The following CDH9 variants were observed in gnomAD, a reference collection of about 807,000 sequenced individuals.
CDH9 encodes cadherin-9.
A neutral mutation model predicts 70.9 loss-of-function variants in CDH9; 28 were observed. The observed-to-expected ratio is 0.40, with a 90% CI of 0.29 to 0.54. The LOEUF (loss-of-function observed/expected upper bound fraction) is 0.54, where lower values mean the gene tolerates loss of function less well. CDH9 is among the 20% of genes least tolerant of loss of function. CDH9 has a pLI of 0.59. For missense variants in CDH9, 874 were observed against 984.4 expected, an observed-to-expected ratio of 0.89 and a Z score of 1.50; for synonymous variants, 409 against 343.1, an observed-to-expected ratio of 1.19 and a Z score of -2.12.
intron 2 of CDH9, among the ~76,000 whole-genome samples, chr5:26,960,027 C>A (rs1742008298): frequency 6.6e-6 from 1 of 151,810 alleles, no homozygotes; most frequent in African/African-American, 2.4e-5. Flanking sequence ...TTAATAACAC[C>A]TCAAAAAGTA....
intron 2 of CDH9, among the ~76,000 whole-genome samples, chr5:26,953,090 T>C (rs999190097): frequency 6.6e-6 from 1 of 152,138 alleles, no homozygotes; most frequent in Non-Finnish European, 1.5e-5. Context: ...CAGCGTATCC[T>C]ACTGAAGGTT....
intron 1 of CDH9, among the ~76,000 whole-genome samples, chr5:27,037,142 C>T (rs980022678): frequency 6.6e-6 from 1 of 151,932 alleles, no homozygotes; most frequent in African/African-American, 2.4e-5. Context: ...TCATTCTTAA[C>T]GGCTGTGCCT....
intron 2 of CDH9, among the ~76,000 whole-genome samples, chr5:26,933,758 G>T (rs549718355): frequency 5.3e-5 from 8 of 150,862 alleles, no homozygotes; most frequent in African/African-American, 2.0e-4. Context: ...CCAGCCAGGC[G>T]ACAGAGCAAG....
At chr5:27,038,338 TGTTGAGA>T in intron 1 of CDH9, 118 bp downstream of exon 1, 1 of 145,460 alleles carries the variant, frequency 6.9e-6, no homozygotes, top group African/African-American at 2.8e-5. Flanking sequence ...TGCTTCCAAG[TGTTGAGA>T]GAGAGAGAGA....
In CDH9 at chr5:27,000,855, T is replaced by C. The variant is rs139088674; in HGVS notation, c.-49-12473A>G. 9.1e-3 allele frequency among the ~76,000 whole-genome samples: 1,393 copies of C among 152,264 alleles called. 24 individuals are homozygous for C. Among genetic ancestry groups the C allele is most frequent in the African/African-American group, 0.032 (1,319 of 41,578 alleles). On this transcript the variant is annotated intron_variant, in intron 1 of 11. Coordinates refer to ENST00000231021, the MANE Select transcript of CDH9 (RefSeq NM_016279.4). Reference sequence around the variant, plus strand: ...TCAAAAATGCTAAGGGAGAGCATCTTTTCTGAAAAGGCTACATATTGAATG... The same window carrying C: ...TCAAAAATGCTAAGGGAGAGCATCTCTTCTGAAAAGGCTACATATTGAATG...
intron 2 of CDH9, among the ~76,000 whole-genome samples, chr5:26,961,762 CTT>C (rs1561019669): frequency 2.0e-5 from 3 of 152,134 alleles, no homozygotes; most frequent in African/African-American, 4.8e-5. Context: ...ATATGAAAGA[CTT>C]AGCATGCAGT....
chr5:26,924,973 C>T (rs1165695371), intron 2 of CDH9, among the ~76,000 whole-genome samples: 1 of 151,962 alleles, frequency 6.6e-6, no homozygotes, highest in Non-Finnish European at 1.5e-5. Flanking sequence ...TGGGTTGGTG[C>T]CAAGTCTTTC....
intron 7 of CDH9, among the ~76,000 whole-genome samples, chr5:26,897,035 A>G (rs1205749785): frequency 6.6e-6 from 1 of 152,132 alleles, no homozygotes; most frequent in Non-Finnish European, 1.5e-5. Context: ...AGAATACTAT[A>G]AAAACCTCTA....
chr5:26,937,934 A>G (rs991809915), intron 2 of CDH9, among the ~76,000 whole-genome samples: 1 of 152,080 alleles, frequency 6.6e-6, no homozygotes, highest in Non-Finnish European at 1.5e-5. Flanking sequence ...AACCCATTGA[A>G]CTGCCCAACA....
chr5:26,926,807 T>C (rs1207897601), intron 2 of CDH9, among the ~76,000 whole-genome samples: 1 of 151,844 alleles, frequency 6.6e-6, no homozygotes, highest in Admixed American at 6.6e-5. Flanking sequence ...TACAACCATC[T>C]GATCTTTGAC....
chr5:26,989,247 T>C (rs79688432), intron 1 of CDH9, among the ~76,000 whole-genome samples: 3,302 of 152,140 alleles, frequency 0.022, 109 homozygotes, highest in African/African-American at 0.075. Context: ...TCACTTGGTA[T>C]TTCAGAATTG....
At chr5:26,991,266 A>G (rs1225839389) in intron 1 of CDH9, among the ~76,000 whole-genome samples, 2 of 152,112 alleles carry the variant, frequency 1.3e-5, no homozygotes, top group Non-Finnish European at 2.9e-5. Context: ...CCCACACTCC[A>G]TACACTACAA....
chr5:26,989,909 T>C (rs1227249600), intron 1 of CDH9, among the ~76,000 whole-genome samples: 2 of 152,176 alleles, frequency 1.3e-5, no homozygotes, highest in African/African-American at 4.8e-5. Flanking sequence ...TTTTACACTT[T>C]TATCAATACA....
intron 6 of CDH9, 29 bp downstream of exon 6, chr5:26,903,608 A>G (rs759123271): frequency 7.7e-6 from 11 of 1,434,614 alleles, no homozygotes; most frequent in Middle Eastern, 1.7e-4. Flanking sequence ...AAAGCACTCA[A>G]TGAAAAGATG....
At chr5:26,999,674 T>C (rs1378577173) in intron 1 of CDH9, among the ~76,000 whole-genome samples, 2 of 152,148 alleles carry the variant, frequency 1.3e-5, no homozygotes, top group African/African-American at 4.8e-5. Context: ...TAGGCATCCA[T>C]ATGCAAAAAA....
intron 1 of CDH9, among the ~76,000 whole-genome samples, chr5:27,033,587 G>T (rs1439125229): frequency 6.6e-6 from 1 of 150,614 alleles, no homozygotes; most frequent in African/African-American, 2.4e-5. Flanking sequence ...TCCTTAACAG[G>T]AAACTGTTAC....
intron 2 of CDH9, among the ~76,000 whole-genome samples, chr5:26,983,963 G>A (rs535330845): frequency 5.9e-5 from 9 of 152,098 alleles, no homozygotes; most frequent in Admixed American, 2.6e-4. Context: ...ATATGTAAAC[G>A]TGAAAGTGTC....
At chr5:26,926,010 C>T (rs1741329734) in intron 2 of CDH9, among the ~76,000 whole-genome samples, 1 of 152,170 alleles carries the variant, frequency 6.6e-6, no homozygotes, top group Non-Finnish European at 1.5e-5. Flanking sequence ...AAACTGGAAG[C>T]ATTCCCTTTG....
At chr5:26,970,146 TAA>T (rs1259802325) in intron 2 of CDH9, among the ~76,000 whole-genome samples, 3 of 151,618 alleles carry the variant, frequency 2.0e-5, no homozygotes, top group East Asian at 3.9e-4. Flanking sequence ...ATTAAATTAA[TAA>T]AGTTAATGAA....
Sources: gnomAD v4.1 joint callset for allele counts (sites outside exome capture counted in the v4.1 genomes callset) on GRCh38, gnomAD v4.1.1 for gene constraint, MANE v1.5 for transcripts, NCBI Gene and HGNC (gene_info 2026-07-23, HGNC 2026-07-21) for gene names.